Variants in NR3C2 observed in about 807,000 individuals in gnomAD.
NR3C2 encodes nuclear receptor subfamily 3 group C member 2, also known as mineralocorticoid receptor.
Under a neutral mutation model 86.4 loss-of-function variants are expected in NR3C2, and 15 were observed. The ratio of observed to expected loss-of-function variants is 0.17; its 90% confidence interval spans 0.12 to 0.27. The LOEUF (loss-of-function observed/expected upper bound fraction) is 0.27, where lower values mean the gene tolerates loss of function less well. NR3C2 is among the 10% of genes least tolerant of loss of function. NR3C2 has a pLI of 1.00. For missense variants in NR3C2, 960 were observed against 1,195.6 expected (o/e 0.80, Z 2.91); for synonymous variants, 458 against 450.5 (o/e 1.02, Z -0.21).
intron 3 of NR3C2, among the ~76,000 whole-genome samples, chr4:148,209,986 C>T (rs574378647): frequency 3.9e-5 from 6 of 152,264 alleles, no homozygotes; most frequent in South Asian, 2.1e-4. Flanking sequence ...TCTTGCTGTC[C>T]AGGGTTTCTC....
intron 2 of NR3C2, among the ~76,000 whole-genome samples, chr4:148,374,444 G>C (rs998398272): frequency 1.3e-5 from 2 of 152,070 alleles, no homozygotes; most frequent in African/African-American, 4.8e-5. Context: ...TATCCTCAAG[G>C]TCAGATTATT....
chr4:148,399,681 CAG>C (rs1748043049), intron 2 of NR3C2, among the ~76,000 whole-genome samples: 1 of 76,574 alleles, frequency 1.3e-5, no homozygotes, highest in Non-Finnish European at 3.1e-5. Flanking sequence ...TCTATATATA[CAG>C]ACACACACAC....
intron 6 of NR3C2, among the ~76,000 whole-genome samples, chr4:148,121,837 T>A (rs1732517006): frequency 6.6e-6 from 1 of 152,242 alleles, no homozygotes; most frequent in African/African-American, 2.4e-5. Flanking sequence ...CGAGCTTCAT[T>A]TGTTTGAATG....
Position 148,379,038 on chromosome 4 carries a change from C to T in NR3C2, c.1757+56066G>A, listed in dbSNP as rs564603994. ...AAGGAAGAGCAAACAAAGCAAGTTA[C>T]AAAAGAGCATACAATATGATACATG... On this transcript the variant is annotated intron_variant, in intron 2 of 8. Transcript: ENST00000358102. Among the ~76,000 whole-genome samples, 5 of 152,090 alleles carry T rather than the reference C, an allele frequency of 3.3e-5. No individual in the cohort carries two copies. The South Asian group carries it at 1.0e-3, about 32-fold the overall frequency.
chr4:148,266,974 A>C (rs1740428275), intron 2 of NR3C2, among the ~76,000 whole-genome samples: 1 of 152,138 alleles, frequency 6.6e-6, no homozygotes, highest in Non-Finnish European at 1.5e-5. Flanking sequence ...AGTTACGGGG[A>C]ATTTCTTTTG....
intron 3 of NR3C2, among the ~76,000 whole-genome samples, chr4:148,216,941 C>G (rs763358527): frequency 6.6e-6 from 1 of 152,156 alleles, no homozygotes; most frequent in African/African-American, 2.4e-5. Flanking sequence ...TCTTTTTTAC[C>G]AAAGCCACAT....
chr4:148,263,896 G>A (rs564961550), intron 2 of NR3C2, among the ~76,000 whole-genome samples: 20 of 152,226 alleles, frequency 1.3e-4, no homozygotes, highest in African/African-American at 4.6e-4. Context: ...TCTTGCTCTT[G>A]TATTAGTGAC....
At chr4:148,130,313 A>G (rs1340386324) in intron 6 of NR3C2, among the ~76,000 whole-genome samples, 2 of 152,240 alleles carry the variant, frequency 1.3e-5, no homozygotes, top group African/African-American at 4.8e-5. Flanking sequence ...CCAAAGCACA[A>G]AAGCTTCCCA....
At chr4:148,143,947 C>CAAAAAAAAAAAA (rs67177081) in intron 6 of NR3C2, among the ~76,000 whole-genome samples, 2 of 64,420 alleles carry the variant, frequency 3.1e-5, no homozygotes, top group African/African-American at 6.7e-5. Context: ...AACTCTGTCT[C>CAAAAAAAAAAAA]AAAAAAAAAA....
chr4:148,438,377 A>T (rs1750176985), intron 1 of NR3C2, among the ~76,000 whole-genome samples: 1 of 152,230 alleles, frequency 6.6e-6, no homozygotes, highest in Non-Finnish European at 1.5e-5. Context: ...AAAGGAAATT[A>T]ACTCACTCAC....
At chr4:148,441,750 T>A (rs1285209491) in intron 1 of NR3C2, among the ~76,000 whole-genome samples, 1 of 152,222 alleles carries the variant, frequency 6.6e-6, no homozygotes, top group Non-Finnish European at 1.5e-5. Flanking sequence ...AGGATCTATA[T>A]CTCCTTCAAC....
At chr4:148,341,058 T>C (rs924086116) in intron 2 of NR3C2, among the ~76,000 whole-genome samples, 1 of 152,022 alleles carries the variant, frequency 6.6e-6, no homozygotes, top group Non-Finnish European at 1.5e-5. Flanking sequence ...ATGGAAAACA[T>C]ATGGAGACTC....
chr4:148,181,024 T>C (rs1735619955), intron 4 of NR3C2, among the ~76,000 whole-genome samples: 1 of 152,174 alleles, frequency 6.6e-6, no homozygotes, highest in Non-Finnish European at 1.5e-5. Flanking sequence ...TCGCTTTTCC[T>C]GTGACGTGTC....
chr4:148,396,601 A>C (rs1244501804), intron 2 of NR3C2, among the ~76,000 whole-genome samples: 2 of 152,246 alleles, frequency 1.3e-5, no homozygotes, highest in Non-Finnish European at 2.9e-5. Context: ...CACAACCTTC[A>C]TACCATGACT....
chr4:148,429,136 TA>T (rs1749685711), intron 2 of NR3C2, among the ~76,000 whole-genome samples: 1 of 152,090 alleles, frequency 6.6e-6, no homozygotes, highest in South Asian at 2.1e-4. Context: ...ATGCTAAGTG[TA>T]AATACCAACT....
intron 2 of NR3C2, among the ~76,000 whole-genome samples, chr4:148,384,998 T>A (rs1747192245): frequency 6.6e-6 from 1 of 152,190 alleles, no homozygotes; most frequent in African/African-American, 2.4e-5. Context: ...GATCTTCCCA[T>A]GTCCATTTTG....
At chr4:148,285,526 G>A (rs1242096795) in intron 2 of NR3C2, among the ~76,000 whole-genome samples, 1 of 152,124 alleles carries the variant, frequency 6.6e-6, no homozygotes, top group Non-Finnish European at 1.5e-5. Flanking sequence ...GGCCAACATG[G>A]TGAAACCCCA....
At chr4:148,294,515 C>T (rs112402895) in intron 2 of NR3C2, among the ~76,000 whole-genome samples, 2,134 of 151,668 alleles carry the variant, frequency 0.014, 52 homozygotes, top group African/African-American at 0.049. Flanking sequence ...ACTTCTTAAC[C>T]ATAATCATTA....
intron 1 of NR3C2, among the ~76,000 whole-genome samples, chr4:148,438,980 T>C (rs532689306): frequency 1.4e-4 from 22 of 152,324 alleles, no homozygotes; most frequent in Admixed American, 1.0e-3. Context: ...TATGAATTCC[T>C]AATCAAAAAT....
Sources: allele counts gnomAD v4.1 joint callset (sites outside exome capture counted in the v4.1 genomes callset), GRCh38; gene constraint gnomAD v4.1.1; transcripts MANE v1.5; gene names NCBI Gene and HGNC (gene_info 2026-07-23, HGNC 2026-07-21).